The following PM20D2 variants were observed in gnomAD, a reference collection of about 807,000 sequenced individuals.
PM20D2 encodes peptidase M20 domain containing 2, also known as xaa-Arg dipeptidase.
A neutral mutation model predicts 42.9 loss-of-function variants in PM20D2; 33 were observed. That is an observed-to-expected ratio of 0.77 (90% confidence interval 0.58 to 1.03). The LOEUF (loss-of-function observed/expected upper bound fraction) is 1.03. Ranked by LOEUF, PM20D2 falls within the 50% of genes least tolerant of loss-of-function variation. PM20D2 has a pLI of 0.00. For missense variants in PM20D2, 548 were observed against 557.0 expected, an observed-to-expected ratio of 0.98 and a Z score of 0.16; for synonymous variants, 250 against 228.2, an observed-to-expected ratio of 1.10 and a Z score of -0.86.
chr6:89,106,573 A>T, the PM20D2 span: 1 of 160,320 alleles, frequency 6.2e-6, no homozygotes, highest in Admixed American at 6.0e-5. Flanking sequence ...GAAATTAGCT[A>T]TATAAAAATA....
At chr6:89,142,519 G>A (rs995547018), upstream of PM20D2, among the ~76,000 whole-genome samples, 1 of 152,096 alleles carries the variant, frequency 6.6e-6, no homozygotes, top group African/African-American at 2.4e-5. Flanking sequence ...AAACGATGTA[G>A]GCTGGATTCA....
the PM20D2 span, among the ~76,000 whole-genome samples, chr6:89,123,770 T>A: frequency 6.8e-6 from 1 of 147,106 alleles, no homozygotes; most frequent in Admixed American, 6.8e-5. Context: ...CCAGGCACAA[T>A]GGCTCATGCC....
the PM20D2 span, among the ~76,000 whole-genome samples, chr6:89,139,629 G>A: frequency 6.6e-6 from 1 of 152,162 alleles, no homozygotes; most frequent in African/African-American, 2.4e-5. Context: ...GATTGCTTGA[G>A]CCTGGGAGAT....
chr6:89,098,550 G>A, the PM20D2 span: 21 of 1,567,562 alleles, frequency 1.3e-5, no homozygotes, highest in Middle Eastern at 1.7e-4. Context: ...TTATATTAAA[G>A]ACGGCGTGGT....
chr6:89,158,360 T>C lies in PM20D2; in HGVS notation c.948T>C (p.Asn316=), dbSNP rs148174519. The C allele has an allele frequency of 3.1e-6, 5 of 1,604,322 alleles. No homozygotes were observed. The highest frequency in any genetic ancestry group is 3.4e-6 in the Non-Finnish European group (4 of 1,177,714). ...AAGGTGGAGCACATGATTATTACAA[T>C]GTTCTTCCCAATAAGAGCCTATGGA... ...EIKGGAHDYY[N]VLPNKSLWKA... is the part of the protein sequence containing the mutation. The change falls in exon 5 of 7, where the codon AAT becomes AAC. Residue 316 remains asparagine, a synonymous_variant. Coordinates refer to ENST00000275072, the MANE Select transcript of PM20D2 (RefSeq NM_001010853.3).
At chr6:89,119,168 C>G in the PM20D2 span, among the ~76,000 whole-genome samples, 1 of 152,354 alleles carries the variant, frequency 6.6e-6, no homozygotes, top group South Asian at 2.1e-4. Flanking sequence ...AGGGATTGCT[C>G]TGGCACTGCA....
the PM20D2 span, chr6:89,105,393 G>T: frequency 6.4e-7 from 1 of 1,572,850 alleles, no homozygotes; most frequent in South Asian, 1.2e-5. Flanking sequence ...TCATTCTGCT[G>T]AATAAATAAA....
At chr6:89,157,228 G>T (rs1210500025) in intron 4 of PM20D2, among the ~76,000 whole-genome samples, 1 of 152,062 alleles carries the variant, frequency 6.6e-6, no homozygotes, top group South Asian at 2.1e-4. Flanking sequence ...ACCTTGCCTG[G>T]CCTAAATCTA....
chr6:89,098,192 T>C, the PM20D2 span: 4 of 160,558 alleles, frequency 2.5e-5, no homozygotes. Flanking sequence ...AATTATACAG[T>C]CATAGTTACT....
At chr6:89,145,590 T>C (rs1434201279), upstream of PM20D2, among the ~76,000 whole-genome samples, 1 of 152,094 alleles carries the variant, frequency 6.6e-6, no homozygotes, top group East Asian at 1.9e-4. Flanking sequence ...CTTTTAGTAA[T>C]ACAATGTCAA....
At chr6:89,158,828 T>G (rs555359990) in intron 5 of PM20D2, among the ~76,000 whole-genome samples, 1 of 152,340 alleles carries the variant, frequency 6.6e-6, no homozygotes, top group Admixed American at 6.5e-5. Flanking sequence ...TGGGGCATTT[T>G]CAGTTTCTGA....
intron 5 of PM20D2, 128 bp downstream of exon 5, chr6:89,158,588 CT>C: frequency 9.6e-7 from 1 of 1,038,254 alleles, no homozygotes; most frequent in Non-Finnish European, 1.4e-6. Context: ...TTTTCACAAA[CT>C]TTATGGTTAG....
intron 4 of PM20D2, among the ~76,000 whole-genome samples, chr6:89,155,971 G>T (rs893689946): frequency 7.3e-5 from 11 of 150,606 alleles, no homozygotes; most frequent in African/African-American, 2.7e-4. Flanking sequence ...TGCAACCTCT[G>T]CCTCCCAGGT....
chr6:89,161,695 T>G, intron 5 of PM20D2, 88 bp from the exon 6 acceptor site: 1 of 1,009,072 alleles, frequency 9.9e-7, no homozygotes, highest in Non-Finnish European at 1.5e-6. Context: ...TCTCTGCGTC[T>G]CTTCTAACAG....
intron 2 of PM20D2, among the ~76,000 whole-genome samples, chr6:89,151,621 T>G (rs1270953145): frequency 3.3e-5 from 5 of 152,188 alleles, no homozygotes; most frequent in Admixed American, 2.6e-4. Flanking sequence ...TTCAGAGTGT[T>G]TTTGGTGTAC....
chr6:89,111,656 T>A, the PM20D2 span, among the ~76,000 whole-genome samples: 8 of 152,144 alleles, frequency 5.3e-5, no homozygotes, highest in Non-Finnish European at 1.2e-4. Context: ...GTTGCACTGG[T>A]TAGGACCTGC....
chr6:89,112,574 G>A, the PM20D2 span, among the ~76,000 whole-genome samples: 2 of 148,552 alleles, frequency 1.3e-5, no homozygotes, highest in South Asian at 2.1e-4. Context: ...CACCATGCCC[G>A]GCTAACTTTT....
chr6:89,139,782 A>G, the PM20D2 span, among the ~76,000 whole-genome samples: 1 of 152,050 alleles, frequency 6.6e-6, no homozygotes, highest in Non-Finnish European at 1.5e-5. Context: ...AGGAAAGGAG[A>G]GATGAGTCAG....
chr6:89,117,992 A>T, the PM20D2 span: 2 of 1,247,894 alleles, frequency 1.6e-6, no homozygotes, highest in Non-Finnish European at 2.2e-6. Flanking sequence ...CCCCGGCGCG[A>T]CCCCCACCCC....
Sources: allele counts gnomAD v4.1 joint callset (sites outside exome capture counted in the v4.1 genomes callset), GRCh38; gene constraint gnomAD v4.1.1; transcripts MANE v1.5; gene names NCBI Gene and HGNC (gene_info 2026-07-23, HGNC 2026-07-21).